Variants in KHDRBS2 observed in about 807,000 individuals in gnomAD.
KHDRBS2 encodes the protein KH domain-containing, RNA-binding, signal transduction-associated protein 2.
In KHDRBS2, 26 loss-of-function variants were observed where a neutral mutation model predicts 44.3. That is an observed-to-expected ratio of 0.59 (90% CI 0.43 to 0.81). KHDRBS2 has a LOEUF of 0.81. KHDRBS2 is among the 40% of genes least tolerant of loss of function. The pLI is 0.00. For missense variants in KHDRBS2, 476 were observed against 433.1 expected (o/e 1.10, Z -0.88); for synonymous variants, 194 against 151.1 (o/e 1.28, Z -2.08).
the KHDRBS2 span, among the ~76,000 whole-genome samples, chr6:61,657,844 C>G: frequency 6.6e-6 from 1 of 151,908 alleles, no homozygotes; most frequent in South Asian, 2.1e-4. Context: ...AAGAAAAAAC[C>G]TAAAAGCTTT....
intron 8 of KHDRBS2, among the ~76,000 whole-genome samples, chr6:61,689,641 C>T (rs1767180301): frequency 6.6e-6 from 1 of 151,968 alleles, no homozygotes; most frequent in Non-Finnish European, 1.5e-5. Flanking sequence ...CTGCCTATTA[C>T]CTGCTGCTGC....
intron 6 of KHDRBS2, among the ~76,000 whole-genome samples, chr6:61,860,501 C>G (rs1562319567): frequency 6.6e-6 from 1 of 151,746 alleles, no homozygotes; most frequent in Admixed American, 6.6e-5. Flanking sequence ...ATTAGTTTGC[C>G]AAGGATAATA....
intron 7 of KHDRBS2, among the ~76,000 whole-genome samples, chr6:61,731,187 C>A (rs1468355762): frequency 1.3e-5 from 2 of 152,050 alleles, no homozygotes; most frequent in East Asian, 3.9e-4. Context: ...TATTAGCAGA[C>A]AGTCTAAATA....
intron 5 of KHDRBS2, among the ~76,000 whole-genome samples, chr6:61,899,656 G>A (rs778819479): frequency 9.3e-5 from 14 of 150,902 alleles, no homozygotes; most frequent in South Asian, 4.2e-4. Context: ...TTCTACTAAC[G>A]GATATCCATA....
intron 6 of KHDRBS2, among the ~76,000 whole-genome samples, chr6:61,869,841 T>A (rs1798353567): frequency 6.6e-6 from 1 of 152,118 alleles, no homozygotes; most frequent in Admixed American, 6.6e-5. Context: ...ACTGTGCTTT[T>A]CCCACGGTCT....
chr6:62,260,266 G>A (rs1034571954), intron 1 of KHDRBS2, among the ~76,000 whole-genome samples: 1 of 151,992 alleles, frequency 6.6e-6, no homozygotes, highest in Non-Finnish European at 1.5e-5. Context: ...GGACAGATGA[G>A]TCTCAAATAA....
chr6:61,964,591 A>G (rs1769490841), intron 4 of KHDRBS2, among the ~76,000 whole-genome samples: 1 of 152,108 alleles, frequency 6.6e-6, no homozygotes, highest in Non-Finnish European at 1.5e-5. Flanking sequence ...CTTGAAATTA[A>G]AAGCCTGTTA....
At chr6:61,724,032 G>A (rs1013804083) in intron 7 of KHDRBS2, among the ~76,000 whole-genome samples, 3 of 152,084 alleles carry the variant, frequency 2.0e-5, no homozygotes, top group Admixed American at 6.6e-5. Context: ...CAAGGTTGAA[G>A]TGAAAGAAAA....
chr6:61,765,557 T>C (rs1194564894), intron 6 of KHDRBS2, among the ~76,000 whole-genome samples: 1 of 152,156 alleles, frequency 6.6e-6, no homozygotes, highest in African/African-American at 2.4e-5. Flanking sequence ...TGTATATTTA[T>C]GGGATATGGA....
At chr6:62,164,260 G>T (rs1818225837) in intron 2 of KHDRBS2, among the ~76,000 whole-genome samples, 1 of 151,778 alleles carries the variant, frequency 6.6e-6, no homozygotes, top group African/African-American at 2.4e-5. Flanking sequence ...ATATAAAATG[G>T]GAAGGATAGT....
At chr6:62,007,971 C>T (rs1779571376) in intron 3 of KHDRBS2, among the ~76,000 whole-genome samples, 1 of 151,826 alleles carries the variant, frequency 6.6e-6, no homozygotes, top group African/African-American at 2.4e-5. Context: ...TCTGAATATA[C>T]AAGATAAAGA....
chr6:62,120,484 T>C (rs1390516261), intron 2 of KHDRBS2, among the ~76,000 whole-genome samples: 1 of 152,126 alleles, frequency 6.6e-6, no homozygotes, highest in African/African-American at 2.4e-5. Flanking sequence ...TGGGAATAAT[T>C]GGATCCCGAG....
chr6:62,123,701 A>C (rs796849520), intron 2 of KHDRBS2, among the ~76,000 whole-genome samples: 1 of 152,204 alleles, frequency 6.6e-6, no homozygotes, highest in South Asian at 2.1e-4. Context: ...TAAATATGAA[A>C]ACATTTGAAC....
chr6:61,857,301 G>A (rs1796288462), intron 6 of KHDRBS2, among the ~76,000 whole-genome samples: 1 of 151,888 alleles, frequency 6.6e-6, no homozygotes, highest in South Asian at 2.1e-4. Context: ...AAAGTTGACA[G>A]GATGATTAAA....
intron 5 of KHDRBS2, among the ~76,000 whole-genome samples, chr6:61,899,561 T>A (rs935927164): frequency 1.8e-4 from 27 of 152,078 alleles, no homozygotes; most frequent in African/African-American, 5.8e-4. Context: ...CTGTTTTCAA[T>A]TATTTAAATG....
At chr6:62,074,100 G>T (rs1795856480) in intron 2 of KHDRBS2, among the ~76,000 whole-genome samples, 1 of 151,820 alleles carries the variant, frequency 6.6e-6, no homozygotes, top group South Asian at 2.1e-4. Context: ...AAATGTGGCA[G>T]ACTTGAGAGC....
chr6:61,552,685 T>G, the KHDRBS2 span, among the ~76,000 whole-genome samples: 1 of 152,194 alleles, frequency 6.6e-6, no homozygotes, highest in Non-Finnish European at 1.5e-5. Flanking sequence ...AATGCCTAGT[T>G]TTTTGAGGAT....
chr6:61,550,720 T>C, the KHDRBS2 span, among the ~76,000 whole-genome samples: 85 of 152,124 alleles, frequency 5.6e-4, no homozygotes, highest in Middle Eastern at 0.01. Context: ...CACATATTTT[T>C]TTTTTACTTC....
intron 3 of KHDRBS2, among the ~76,000 whole-genome samples, chr6:62,035,375 G>C (rs1785095809): frequency 6.6e-6 from 1 of 151,994 alleles, no homozygotes; most frequent in South Asian, 2.1e-4. Context: ...ATTATGCCGA[G>C]TGAAATAAGC....
Sources: gnomAD v4.1 joint callset for allele counts (sites outside exome capture counted in the v4.1 genomes callset) on GRCh38, gnomAD v4.1.1 for gene constraint, MANE v1.5 for transcripts, NCBI Gene and HGNC (gene_info 2026-07-23, HGNC 2026-07-21) for gene names.